ZNF195: variants seen among roughly 807,000 people sequenced by gnomAD.
ZNF195 encodes the protein zinc finger protein 195.
Under a neutral mutation model 19.5 loss-of-function variants are expected in ZNF195, and 11 were observed. The ratio of observed to expected loss-of-function variants is 0.57; its 90% CI spans 0.36 to 0.94. ZNF195 has a LOEUF of 0.94. Among genes scored for constraint, ZNF195 ranks in the 40% least tolerant of loss-of-function variants. The pLI is 0.01. For synonymous variants in ZNF195, 214 were observed against 248.1 expected, an observed-to-expected ratio of 0.86 and a Z score of 1.29; for missense variants, 582 against 709.0, an observed-to-expected ratio of 0.82 and a Z score of 2.03.
chr11:3,361,401 T>G lies in ZNF195; in HGVS notation c.373+342A>C, dbSNP rs186583630. On this transcript the variant is annotated intron_variant, in intron 4 of 5. Transcript: ENST00000399602. Reference sequence around the variant, plus strand: ...GAAATCAACCCTAAAATGATGGAGATGCATAAATTAACTGAAGAAAATAAA... The same window carrying G: ...GAAATCAACCCTAAAATGATGGAGAGGCATAAATTAACTGAAGAAAATAAA... 1.2e-3 allele frequency among the ~76,000 whole-genome samples: 183 copies of G among 152,290 alleles called. 1 individual carries two copies. Among genetic ancestry groups the G allele is most frequent in the African/African-American group, 4.2e-3 (176 of 41,568 alleles).
At chr11:3,378,052 G>T (rs1261903961) in intron 1 of ZNF195, among the ~76,000 whole-genome samples, 3 of 152,178 alleles carry the variant, frequency 2.0e-5, no homozygotes, top group African/African-American at 7.2e-5. Context: ...GCTCACGACT[G>T]TAATCCCAGC....
chr11:3,360,477 A>G lies in ZNF195; in HGVS notation c.531T>C (p.Asn177=), dbSNP rs368430284. The G allele has an allele frequency of 7.4e-4, 1,189 of 1,609,906 alleles. 4 individuals are homozygous for G. Among genetic ancestry groups the G allele is most frequent in the Non-Finnish European group, 8.3e-4 (980 of 1,179,586 alleles). ...TTAAATATAAATTATCAAGGCCACA[A>G]TTTCCATATCCTCTCAGTATTCTTT... ...FPKRILRGYG[N]CGLDNLYLRK... is the part of the protein sequence containing the mutation. The change falls in exon 6 of 6, where the codon AAT becomes AAC. Residue 177 remains asparagine, a synonymous_variant. Coordinates refer to ENST00000399602, the MANE Select transcript of ZNF195 (RefSeq NM_001130520.3).
At chr11:3,371,752 G>A (rs779643714) in intron 1 of ZNF195, 49 bp from the exon 2 acceptor site, 3 of 1,547,520 alleles carry the variant, frequency 1.9e-6, no homozygotes, top group Non-Finnish European at 1.7e-6. Context: ...GAGGTGAAAT[G>A]AGCGAGTGAA....
chr11:3,377,527 C>T (rs1424049396), intron 1 of ZNF195: 1 of 977,796 alleles, frequency 1.0e-6, no homozygotes, highest in Non-Finnish European at 1.3e-6. Flanking sequence ...TTCCCTCTGA[C>T]AGGGGCATGT....
chr11:3,377,961 T>G, intron 1 of ZNF195: 1 of 968,172 alleles, frequency 1.0e-6, no homozygotes, highest in Non-Finnish European at 1.2e-6. Context: ...CAGGGGATGA[T>G]TCTCTGCTTT....
intron 1 of ZNF195, chr11:3,377,622 T>A: frequency 8.1e-7 from 1 of 1,227,726 alleles, no homozygotes; most frequent in Non-Finnish European, 1.1e-6. Flanking sequence ...GTTACCTCTT[T>A]AGAGGAAGAG....
At chr11:3,377,823 G>A in intron 1 of ZNF195, 1 of 989,622 alleles carries the variant, frequency 1.0e-6, no homozygotes, top group Non-Finnish European at 1.2e-6. Context: ...AGTCCAGAGG[G>A]TGGCTGAGAG....
In ZNF195 at chr11:3,360,588, T is replaced by C. The variant is rs754715828; in HGVS notation, c.443-23A>G. 7 of 1,549,092 alleles carry C rather than the reference T, an allele frequency of 4.5e-6. No individual in the cohort carries two copies. The African/African-American group carries it at 8.4e-5, about 19-fold the overall frequency. On this transcript the variant is annotated intron_variant, in intron 5 of 5. Transcript: ENST00000399602. ...TAGCTGAAAAAAAAAAAAAAAGTTA[T>C]CCGACTTACTAGACACAGATGAATA...
At position 3,360,000 on chromosome 11, in the gene ZNF195, A is replaced by G; in HGVS notation, c.1008T>C (p.Phe336=). ...HYRCEEFGKV[F]NQCSHLTEHE... ...GTTCAGTAAGGTGGGAGCACTGGTT[A>G]AATACTTTGCCAAATTCTTCACATC... Residue 336 remains phenylalanine (F), a synonymous_variant, in exon 6 of 6, where the codon TTT becomes TTC. Transcript: ENST00000399602. The surrounding 1 kb of genome is among the most constrained non-coding windows in gnomAD (Gnocchi z 5.5). The G allele has an allele frequency of 6.2e-7, 1 of 1,614,042 alleles. No individual in the cohort carries two copies. Among genetic ancestry groups the G allele is most frequent in the South Asian group, 1.1e-5 (1 of 91,082 alleles).
At chr11:3,370,001 A>G (rs1849114504) in intron 3 of ZNF195, among the ~76,000 whole-genome samples, 1 of 152,180 alleles carries the variant, frequency 6.6e-6, no homozygotes, top group Non-Finnish European at 1.5e-5. Flanking sequence ...CACAATTTTT[A>G]TTTCTAAAAT....
rs1234823514 is a variant in ZNF195, at chr11:3,359,478, A to G, written c.1530T>C (p.Thr510=). ...GNIFKQLSDL[T]KHKKTHTGEK... ...CTCCAGTATGGGTTTTCTTATGCTT[A>G]GTGAGGTCTGATAACTGCTTAAAGA... Residue 510 remains threonine, a synonymous_variant, in exon 6 of 6, where the codon ACT becomes ACC. Coordinates refer to ENST00000399602, the MANE Select transcript of ZNF195 (RefSeq NM_001130520.3). The surrounding 1 kb of genome is among the most constrained non-coding windows in gnomAD (Gnocchi z 5.5). 4 of 1,614,062 alleles carry G rather than the reference A, an allele frequency of 2.5e-6. No individual in the cohort carries two copies. The highest frequency in any genetic ancestry group is 3.4e-6 in the Non-Finnish European group (4 of 1,180,042).
In ZNF195 at chr11:3,360,304, T is replaced by C. The variant is rs754191164; in HGVS notation, c.704A>G (p.Asn235Ser). ...AGGTTTCTCTCCAGTATTACTTATA[T>C]TACGTCTATGTAAATTTGAAAAGTT... The part of the protein sequence containing the change: ...FDNFSNLHRR[N>S]ISNTGEKPFK... The change falls in exon 6 of 6, where the codon AAT becomes AGT. Residue 235 changes from asparagine to serine, a missense_variant. Physicochemically the swap from Asn to Ser is conservative, Grantham distance 46 (BLOSUM62 1). Transcript: ENST00000399602. 1.9e-6 allele frequency: 3 copies of C among 1,607,096 alleles called. 1 individual carries two copies. The South Asian group carries it at 3.3e-5, about 18-fold the overall frequency.
chr11:3,359,730 A>C lies in ZNF195; in HGVS notation c.1278T>G (p.Thr426=). 1 of 1,614,202 alleles carries C rather than the reference A, an allele frequency of 6.2e-7. No homozygotes were observed. Among genetic ancestry groups the C allele is most frequent in the Non-Finnish European group, 8.5e-7 (1 of 1,180,036 alleles). ...DSIFKWFSDL[T]KHKRIHTGEK... ...CACCAGTGTGAATTCTCTTATGTTT[A>C]GTAAGGTCTGAGAACCACTTGAAGA... The change falls in exon 6 of 6, where the codon ACT becomes ACG. Residue 426 remains threonine, a synonymous_variant. Transcript: ENST00000399602. The surrounding 1 kb of genome is among the most constrained non-coding windows in gnomAD (Gnocchi z 5.5).
In ZNF195 at chr11:3,371,595, T is replaced by C; in HGVS notation, c.112A>G (p.Arg38Gly). 6.2e-7 allele frequency: 1 copy of C among 1,614,140 alleles called. No homozygotes were observed. The highest frequency in any genetic ancestry group is 8.5e-7 in the Non-Finnish European group (1 of 1,179,982). The change falls in exon 2 of 6, where the codon AGA becomes GGA. Residue 38 changes from arginine to glycine, a missense_variant. Arg to Gly is a moderately radical substitution (Grantham distance 125, BLOSUM62 -2). Around this residue, in one of 3 missense-constraint regions of ZNF195, gnomAD observed 46 missense variants for 66.5 expected, o/e 0.69. Coordinates refer to ENST00000399602, the MANE Select transcript of ZNF195 (RefSeq NM_001130520.3). ...TCCTCACCAACGGAGAACAAGTTTC[T>C]GTAGTTCTCCAACATCACATCCCTG... ...LYRDVMLENY[R>G]NLFSVGLTVC...
At chr11:3,365,063 A>G (rs1170079813) in intron 3 of ZNF195, among the ~76,000 whole-genome samples, 1 of 152,254 alleles carries the variant, frequency 6.6e-6, no homozygotes, top group African/African-American at 2.4e-5. Context: ...GATTAATAGC[A>G]TGTAATGGCA....
Position 3,358,947 on chromosome 11 carries a change from A to AT in ZNF195, c.*170dup, listed in dbSNP as rs1377833936. Reference sequence around the variant, plus strand: ...GTCTTCCATCTAGTATAATTGTAACATTTTTTTCAGAAGAAATACTCTTGT... The same window carrying AT: ...GTCTTCCATCTAGTATAATTGTAACATTTTTTTTCAGAAGAAATACTCTTGT... On this transcript the variant is annotated 3_prime_UTR_variant, in exon 6 of 6. Coordinates refer to ENST00000399602, the MANE Select transcript of ZNF195 (RefSeq NM_001130520.3). The AT allele has an allele frequency of 1.2e-5, 11 of 936,468 alleles. No individual in the cohort carries two copies. The highest frequency in any genetic ancestry group is 6.1e-5 in the East Asian group (2 of 32,708). The allele number at this position is 936,468 out of a possible 1,614,324, so 58.0% of individuals were successfully genotyped here.
intron 3 of ZNF195, among the ~76,000 whole-genome samples, chr11:3,365,248 C>G (rs1848817538): frequency 6.6e-6 from 1 of 152,170 alleles, no homozygotes; most frequent in Non-Finnish European, 1.5e-5. Flanking sequence ...GAAAATTACA[C>G]AGAAGATCAA....
chr11:3,376,308 C>G (rs1049892799), intron 1 of ZNF195, among the ~76,000 whole-genome samples: 1 of 151,596 alleles, frequency 6.6e-6, no homozygotes, highest in Non-Finnish European at 1.5e-5. Context: ...ATAAAATACA[C>G]TAACACTAAC....
At position 3,361,888 on chromosome 11, in the gene ZNF195, C is replaced by A. The variant is rs779246198; in HGVS notation, c.228G>T (p.Glu76Asp). The A allele has an allele frequency of 4.5e-6, 2 of 443,112 alleles. No homozygotes were observed. The highest frequency in any genetic ancestry group is 8.9e-6 in the Non-Finnish European group (2 of 225,704). The allele number at this position is 443,112 out of a possible 1,614,324, so 27.4% of individuals were successfully genotyped here. A position where few individuals can be genotyped will look rare whatever the true frequency, so the allele number is the denominator to read the frequency against. The change falls in exon 4 of 6, where the codon GAG becomes GAT. Residue 76 changes from glutamate (E) to aspartate (D), a missense_variant and splice_region_variant. Glu to Asp is a conservative substitution (Grantham distance 45). Around this residue, in one of 3 missense-constraint regions of ZNF195, gnomAD observed 129 missense variants for 112.1 expected, o/e 1.15. Transcript: ENST00000399602. ...KRQEAADGHP[E>D]MGFHHATQAC... ...CCTGAGTAGCATGGTGAAATCCCAT[C>A]TCTACAGAAAATACAAAAAAATTAG...
Sources: gnomAD v4.1 joint callset for allele counts (sites outside exome capture counted in the v4.1 genomes callset) on GRCh38, gnomAD v4.1.1 for gene constraint, gnomAD v4.1.1 regional missense constraint, Gnocchi (gnomAD v3.1) non-coding constraint, MANE v1.5 for transcripts, NCBI Gene and HGNC (gene_info 2026-07-23, HGNC 2026-07-21) for gene names.